NXPE2: variants seen among roughly 807,000 people sequenced by gnomAD.
The protein encoded by NXPE2 is NXPE family member 2.
NXPE2 carries 34 observed loss-of-function variants against 34.4 expected under a neutral mutation model. The observed-to-expected ratio is 0.99, with a 90% CI of 0.75 to 1.31. The LOEUF is 1.31. Ranked by LOEUF, NXPE2 falls within the 40% of genes most tolerant of loss-of-function variation. NXPE2 has a pLI of 0.00. For missense variants in NXPE2, 649 were observed against 672.5 expected, an observed-to-expected ratio of 0.97 and a Z score of 0.39; for synonymous variants, 235 against 231.3, an observed-to-expected ratio of 1.02 and a Z score of -0.15.
At chr11:114,651,089 A>G in the NXPE2 span, among the ~76,000 whole-genome samples, 1 of 146,108 alleles carries the variant, frequency 6.8e-6, no homozygotes, top group Non-Finnish European at 1.5e-5. Context: ...ATATATATAC[A>G]ATATTACATA....
the NXPE2 span, among the ~76,000 whole-genome samples, chr11:114,717,573 C>T: frequency 5.3e-5 from 8 of 152,162 alleles, no homozygotes; most frequent in East Asian, 5.8e-4. Context: ...GCATAATCTT[C>T]GATAAGTCAT....
chr11:114,546,254 TAAGTA>T, the NXPE2 span, among the ~76,000 whole-genome samples: 1 of 152,030 alleles, frequency 6.6e-6, no homozygotes, highest in Non-Finnish European at 1.5e-5. Context: ...GATGAACAAA[TAAGTA>T]AATAAATAGA....
At chr11:114,595,430 T>G in the NXPE2 span, among the ~76,000 whole-genome samples, 1 of 152,172 alleles carries the variant, frequency 6.6e-6, no homozygotes, top group Non-Finnish European at 1.5e-5. Flanking sequence ...ATTGCTTGAA[T>G]GCTGCCTTTC....
the NXPE2 span, among the ~76,000 whole-genome samples, chr11:114,600,213 A>C: frequency 6.6e-6 from 1 of 152,200 alleles, no homozygotes; most frequent in Non-Finnish European, 1.5e-5. Context: ...AAAATCAATG[A>C]ACATCTGCTT....
the NXPE2 span, among the ~76,000 whole-genome samples, chr11:114,476,052 A>G: frequency 6.6e-6 from 1 of 152,216 alleles, no homozygotes; most frequent in African/African-American, 2.4e-5. Flanking sequence ...TTACTCACAT[A>G]TAATTCACAT....
chr11:114,557,667 A>ATATG, the NXPE2 span, among the ~76,000 whole-genome samples: 1 of 114,216 alleles, frequency 8.8e-6, no homozygotes, highest in Non-Finnish European at 1.7e-5. Flanking sequence ...ATATATATAT[A>ATATG]TATATAAAAT....
chr11:114,619,917 C>T, the NXPE2 span, among the ~76,000 whole-genome samples: 1 of 151,994 alleles, frequency 6.6e-6, no homozygotes, highest in Admixed American at 6.5e-5. Flanking sequence ...TAAGTGTTAC[C>T]TCATGGGTAA....
chr11:114,698,187 A>G lies in NXPE2; in HGVS notation c.275A>G (p.Asp92Gly). ...ATAAAGGACATTATGGAGAAACTAG[A>G]CCAGCAGATCCCACCCAGACCTTTC... The part of the protein sequence containing the change: ...LRIKDIMEKL[D>G]QQIPPRPFTH... Residue 92 changes from aspartate (D) to glycine (G), a missense_variant, in exon 3 of 6, where the codon GAC becomes GGC. Physicochemically the swap from Asp to Gly is moderately conservative, Grantham distance 94. Coordinates refer to ENST00000389586, the MANE Select transcript of NXPE2 (RefSeq NM_182495.6). 1 of 1,614,218 alleles carries G rather than the reference A, an allele frequency of 6.2e-7. No homozygotes were observed.
chr11:114,512,739 G>A, the NXPE2 span: 497 of 157,012 alleles, frequency 3.2e-3, 27 homozygotes, highest in East Asian at 0.08. Context: ...TGGAAGGATT[G>A]TTTAATCTTG....
the NXPE2 span, chr11:114,554,412 G>C: frequency 1.0e-6 from 1 of 984,238 alleles, no homozygotes; most frequent in Non-Finnish European, 1.2e-6. Context: ...CAGAACAGGG[G>C]GTTCTTAAAC....
At chr11:114,631,319 T>C in the NXPE2 span, among the ~76,000 whole-genome samples, 1 of 151,832 alleles carries the variant, frequency 6.6e-6, no homozygotes, top group Admixed American at 6.6e-5. Flanking sequence ...GTGGCACATA[T>C]ACAGCATGGA....
At chr11:114,570,672 T>C in the NXPE2 span, 1 of 268,924 alleles carries the variant, frequency 3.7e-6, no homozygotes, top group Non-Finnish European at 6.9e-6. Flanking sequence ...CCCATAGGTG[T>C]CTTGACTTCC....
the NXPE2 span, among the ~76,000 whole-genome samples, chr11:114,798,664 G>A: frequency 1.8e-4 from 28 of 152,330 alleles, no homozygotes; most frequent in African/African-American, 6.5e-4. Context: ...TTACAGGCGT[G>A]AGCCACTGCA....
chr11:114,563,108 G>A, the NXPE2 span, among the ~76,000 whole-genome samples: 2 of 152,246 alleles, frequency 1.3e-5, no homozygotes, highest in South Asian at 2.1e-4. Flanking sequence ...GAGTCTCAGA[G>A]TCTCAGTAGC....
the NXPE2 span, among the ~76,000 whole-genome samples, chr11:114,618,168 C>A: frequency 6.6e-6 from 1 of 151,724 alleles, no homozygotes; most frequent in Non-Finnish European, 1.5e-5. Flanking sequence ...TCGTGGGTAA[C>A]CATTGGTACC....
At chr11:114,543,042 G>A in the NXPE2 span, among the ~76,000 whole-genome samples, 1 of 152,082 alleles carries the variant, frequency 6.6e-6, no homozygotes, top group Non-Finnish European at 1.5e-5. Flanking sequence ...ATCACTTGAG[G>A]CCAGGAGTTT....
the NXPE2 span, among the ~76,000 whole-genome samples, chr11:114,644,190 G>T: frequency 6.6e-6 from 1 of 152,218 alleles, no homozygotes; most frequent in African/African-American, 2.4e-5. Flanking sequence ...ATACAATCAT[G>T]GCATCTGCAA....
the NXPE2 span, chr11:114,522,009 T>A: frequency 1.2e-6 from 2 of 1,613,498 alleles, no homozygotes; most frequent in Non-Finnish European, 1.7e-6. Flanking sequence ...TGATTTCCAA[T>A]CACATGATCA....
intron 1 of NXPE2, among the ~76,000 whole-genome samples, chr11:114,678,879 T>C (rs1255802564): frequency 1.3e-5 from 2 of 151,276 alleles, no homozygotes; most frequent in East Asian, 2.0e-4. Context: ...TGTGTATGCA[T>C]TCATGTGTCC....
Sources: gnomAD v4.1 joint callset for allele counts (sites outside exome capture counted in the v4.1 genomes callset) on GRCh38, gnomAD v4.1.1 for gene constraint, MANE v1.5 for transcripts, NCBI Gene and HGNC (gene_info 2026-07-23, HGNC 2026-07-21) for gene names.